Variants in KANSL2 observed in about 807,000 individuals in gnomAD.
KANSL2 encodes KAT8 regulatory NSL complex subunit 2.
A neutral mutation model predicts 55.6 loss-of-function variants in KANSL2; 34 were observed. The observed-to-expected ratio is 0.61, with a 90% CI of 0.46 to 0.81. The LOEUF is 0.81. Among genes scored for constraint, KANSL2 ranks in the 40% least tolerant of loss-of-function variants. KANSL2 has a pLI of 0.00. For synonymous variants in KANSL2, 209 were observed against 214.3 expected (o/e 0.98, Z 0.22); for missense variants, 502 against 609.9 (o/e 0.82, Z 1.86).
intron 5 of KANSL2, among the ~76,000 whole-genome samples, chr12:48,670,116 G>A (rs1939681799): frequency 2.0e-5 from 3 of 150,136 alleles, no homozygotes; most frequent in Admixed American, 6.7e-5. Context: ...CAGGAGAATC[G>A]CTTGAACCCG....
chr12:48,673,438 T>C (rs1939764289), intron 4 of KANSL2, among the ~76,000 whole-genome samples: 1 of 151,574 alleles, frequency 6.6e-6, no homozygotes, highest in African/African-American at 2.4e-5. Flanking sequence ...TGGGCGCCTA[T>C]AATCCCAGCT....
chr12:48,669,089 G>A lies in KANSL2; in HGVS notation c.876+17C>T. ...TAAAGTGAACGTATATACCTTAAAG[G>A]TATACACACAAATTACCTGTTGGGC... On this transcript the variant is annotated intron_variant, in intron 6 of 9. Coordinates refer to ENST00000420613, the MANE Select transcript of KANSL2 (RefSeq NM_017822.4). 1 of 1,525,070 alleles carries A rather than the reference G, an allele frequency of 6.6e-7. No homozygotes were observed. Among genetic ancestry groups the A allele is most frequent in the South Asian group, 1.2e-5 (1 of 80,518 alleles). 94.5% of individuals were successfully genotyped at this position (1,525,070 alleles called of 1,614,324 possible). A position where few individuals can be genotyped will look rare whatever the true frequency, so the allele number is the denominator to read the frequency against.
intron 7 of KANSL2, among the ~76,000 whole-genome samples, chr12:48,663,245 G>A (rs1939521389): frequency 6.6e-6 from 1 of 151,986 alleles, no homozygotes; most frequent in South Asian, 2.1e-4. Flanking sequence ...TACCATATGA[G>A]GAAATATGAA....
intron 7 of KANSL2, chr12:48,667,481 C>T (rs1010191194): frequency 1.4e-6 from 1 of 691,068 alleles, no homozygotes; most frequent in African/African-American, 1.7e-5. Flanking sequence ...AATGAATTGA[C>T]CATTACATTT....
intron 8 of KANSL2, among the ~76,000 whole-genome samples, chr12:48,660,014 T>C (rs1348363936): frequency 8.5e-5 from 13 of 152,322 alleles, no homozygotes; most frequent in Non-Finnish European, 2.9e-5. Context: ...AGTGTCATAA[T>C]AGGTACTGAG....
At chr12:48,667,173 A>G (rs905565997) in intron 7 of KANSL2, among the ~76,000 whole-genome samples, 7 of 152,294 alleles carry the variant, frequency 4.6e-5, no homozygotes, top group African/African-American at 1.7e-4. Context: ...GACTAGAGCA[A>G]AACTCCATCT....
At chr12:48,680,059 C>T (rs1939891845) in intron 2 of KANSL2, 1 of 455,086 alleles carries the variant, frequency 2.2e-6, no homozygotes, top group African/African-American at 2.0e-5. Flanking sequence ...AATCCCAGCA[C>T]TTTGGGAGGC....
chr12:48,656,065 C>T (rs1370473978), intron 8 of KANSL2, among the ~76,000 whole-genome samples: 2 of 152,042 alleles, frequency 1.3e-5, no homozygotes, highest in African/African-American at 4.8e-5. Context: ...AACAATGCTA[C>T]GTTAAAATTA....
intron 6 of KANSL2, 43 bp downstream of exon 6, chr12:48,669,063 A>T: frequency 7.1e-7 from 1 of 1,405,004 alleles, no homozygotes; most frequent in South Asian, 1.5e-5. Flanking sequence ...AAAACAATAA[A>T]TAAAGTGAAC....
intron 7 of KANSL2, among the ~76,000 whole-genome samples, chr12:48,663,962 G>C (rs558467858): frequency 1.3e-4 from 18 of 135,436 alleles, no homozygotes; most frequent in African/African-American, 4.9e-4. Flanking sequence ...CTGTCGCCCA[G>C]GCTGGAGTGC....
At chr12:48,665,032 G>A (rs1939568316) in intron 7 of KANSL2, among the ~76,000 whole-genome samples, 2 of 151,870 alleles carry the variant, frequency 1.3e-5, no homozygotes, top group African/African-American at 2.4e-5. Flanking sequence ...ATCGTGACCA[G>A]ATAATTTTTC....
At chr12:48,682,105 G>A (rs759119421) in intron 1 of KANSL2, 82 bp downstream of exon 1, 4 of 702,886 alleles carry the variant, frequency 5.7e-6, no homozygotes, top group Non-Finnish European at 1.0e-5. Context: ...CTTTGAGGCG[G>A]AGTAGCAGCT....
intron 7 of KANSL2, chr12:48,662,703 T>G (rs1309261748): frequency 8.0e-7 from 1 of 1,245,992 alleles, no homozygotes; most frequent in East Asian, 5.9e-5. Flanking sequence ...AACTATGGAG[T>G]GGAAAGGAAA....
In KANSL2 at chr12:48,653,847, T is replaced by C. The variant is rs1432693282; in HGVS notation, c.*197A>G. ...AAGCTTTGATAGGGATTATCTCTCT[T>C]TCTCTTCCTTGCCCTGAGTGGGAAG... On this transcript the variant is annotated 3_prime_UTR_variant, in exon 10 of 10. Transcript: ENST00000420613. 1.3e-5 allele frequency: 6 copies of C among 463,796 alleles called. No homozygotes were observed. Among genetic ancestry groups the C allele is most frequent in the Non-Finnish European group, 2.2e-5 (6 of 267,112 alleles). The allele number at this position is 463,796 out of a possible 1,614,324, so 28.7% of individuals were successfully genotyped here.
intron 4 of KANSL2, among the ~76,000 whole-genome samples, chr12:48,672,434 T>TATATA (rs71080136): frequency 3.5e-4 from 34 of 98,026 alleles, no homozygotes; most frequent in South Asian, 1.3e-3. Context: ...TATATATATA[T>TATATA]TTTTTTTTTG....
chr12:48,663,337 C>T (rs1041977011), intron 7 of KANSL2, among the ~76,000 whole-genome samples: 8 of 152,208 alleles, frequency 5.3e-5, no homozygotes, highest in Non-Finnish European at 7.3e-5. Context: ...TTTCACCATA[C>T]TCTCACCTAC....
chr12:48,657,986 T>C (rs181661183), intron 8 of KANSL2, among the ~76,000 whole-genome samples: 151 of 152,248 alleles, frequency 9.9e-4, no homozygotes, highest in African/African-American at 3.5e-3. Context: ...ATCCTAGCAC[T>C]TTGGGAGGCC....
At chr12:48,675,394 G>GA (rs1305343805) in intron 4 of KANSL2, among the ~76,000 whole-genome samples, 1 of 152,204 alleles carries the variant, frequency 6.6e-6, no homozygotes, top group African/African-American at 2.4e-5. Flanking sequence ...AACAGAGTGA[G>GA]AGTCCGTCTC....
chr12:48,680,909 T>C (rs1251630043), intron 2 of KANSL2, among the ~76,000 whole-genome samples: 7 of 101,126 alleles, frequency 6.9e-5, no homozygotes, highest in African/African-American at 1.9e-4. Context: ...AAGGAGGAGG[T>C]TGCAGTGAGC....
Sources: gnomAD v4.1 joint callset for allele counts (sites outside exome capture counted in the v4.1 genomes callset) on GRCh38, gnomAD v4.1.1 for gene constraint, MANE v1.5 for transcripts, NCBI Gene and HGNC (gene_info 2026-07-23, HGNC 2026-07-21) for gene names.